KRI1: variants seen among roughly 807,000 people sequenced by gnomAD.
The protein encoded by KRI1 is protein KRI1 homolog.
Under a neutral mutation model 97.0 loss-of-function variants are expected in KRI1, and 83 were observed. The observed-to-expected ratio is 0.86, with a 90% confidence interval of 0.72 to 1.03. KRI1 has a LOEUF of 1.03. KRI1 is among the 50% of genes least tolerant of loss of function. KRI1 has a pLI of 0.00. For missense variants in KRI1, 916 were observed against 928.4 expected (o/e 0.99, Z 0.17); for synonymous variants, 371 against 363.5 (o/e 1.02, Z -0.23).
At chr19:10,561,475 A>C (rs1916695219) in intron 6 of KRI1, among the ~76,000 whole-genome samples, 192 bp downstream of exon 6, 1 of 152,106 alleles carries the variant, frequency 6.6e-6, no homozygotes, top group Non-Finnish European at 1.5e-5. Flanking sequence ...CCCCAAGATT[A>C]ACCCCATTTA....
intron 7 of KRI1, 31 bp from the exon 8 acceptor site, chr19:10,561,111 G>C (rs1169857022): frequency 1.2e-6 from 2 of 1,612,908 alleles, no homozygotes; most frequent in South Asian, 2.2e-5. Context: ...AGCATCCGCA[G>C]ATGCCCAGCC....
chr19:10,565,555 GA>G (rs1429665318), intron 2 of KRI1, 161 bp downstream of exon 2: 11 of 892,658 alleles, frequency 1.2e-5, no homozygotes, highest in Middle Eastern at 3.5e-4. Context: ...CCCCTGGGGA[GA>G]GGGGGGGCAC....
At chr19:10,559,152 ACAC>A (rs1343511090) in intron 12 of KRI1, among the ~76,000 whole-genome samples, 1 of 151,790 alleles carries the variant, frequency 6.6e-6, no homozygotes, top group African/African-American at 2.4e-5. Context: ...TTACAAGCAT[ACAC>A]CACCACACCT....
rs775892639 is a variant in KRI1 at position 10,557,969 on chromosome 19, T to TAC, written c.1359+1_1359+2dup. On this transcript the variant is annotated splice_region_variant and intron_variant, in intron 14 of 18. Coordinates refer to ENST00000312962, the MANE Select transcript of KRI1 (RefSeq NM_023008.5). ...TGGGACTCCCTCAACCCGTGATACCTACGTTGAAGTTGGGGTCCTCACAGT... is the reference window on the plus strand; with the variant it reads ...TGGGACTCCCTCAACCCGTGATACCTACACGTTGAAGTTGGGGTCCTCACAGT... 1.2e-6 allele frequency: 2 copies of TAC among 1,613,956 alleles called. No homozygotes were observed. Among genetic ancestry groups the TAC allele is most frequent in the African/African-American group, 2.7e-5 (2 of 74,924 alleles).
At chr19:10,562,889 G>A (rs750267721) in intron 3 of KRI1, 52 bp from the exon 4 acceptor site, 15 of 1,159,958 alleles carry the variant, frequency 1.3e-5, no homozygotes, top group South Asian at 2.4e-5. Flanking sequence ...CTTCTTTGCC[G>A]TGGCAGAGAA....
At position 10,565,810 on chromosome 19, in the gene KRI1, T is replaced by TTCC; in HGVS notation, c.95-21_95-20insGGA. On this transcript the variant is annotated intron_variant, in intron 1 of 18. Coordinates refer to ENST00000312962, the MANE Select transcript of KRI1 (RefSeq NM_023008.5). ...CCTTCACTGCGGGACACAGACGGGATGCCCCCCCCCAGGTCAGCCGGCGGG... is the reference window on the plus strand; with the variant it reads ...CCTTCACTGCGGGACACAGACGGGATTCCGCCCCCCCCCAGGTCAGCCGGCGGG... 6.8e-7 allele frequency: 1 copy of TTCC among 1,476,872 alleles called. No individual in the cohort carries two copies. The highest frequency in any genetic ancestry group is 9.0e-7 in the Non-Finnish European group (1 of 1,111,248). 91.5% of individuals were successfully genotyped at this position (1,476,872 alleles called of 1,614,324 possible).
rs1244537085 is a variant in KRI1 at position 10,557,612 on chromosome 19, C to T, written c.1557G>A (p.Leu519=). ...CTGTGCGGTACTTGAAGCGACAGGG[C>T]AGGTCGTCGATGATGTCCTCGTAGT... ...RLDYEDIIDD[L]PCRFKYRTVV... Residue 519 remains leucine, a synonymous_variant, in exon 16 of 19, where the codon CTG becomes CTA. Transcript: ENST00000312962. 6.2e-7 allele frequency: 1 copy of T among 1,614,068 alleles called. No homozygotes were observed. Among genetic ancestry groups the T allele is most frequent in the African/African-American group, 1.3e-5 (1 of 74,928 alleles).
intron 18 of KRI1, among the ~76,000 whole-genome samples, chr19:10,554,609 T>G (rs945234185): frequency 8.5e-5 from 13 of 152,062 alleles, no homozygotes; most frequent in African/African-American, 3.1e-4. Context: ...GCAGTCGCGT[T>G]ACCATAGGTC....
chr19:10,560,379 G>A lies in KRI1; in HGVS notation c.733C>T (p.Leu245Phe). ...TCCTCCTCCTCATAGCGTTTGTTGA[G>A]GATGTAATCCCGCAGGAACCGCTCC... ...EGERFLRDYI[L>F]NKRYEEEEEE... The change falls in exon 9 of 19, where the codon CTC becomes TTC. Residue 245 changes from leucine (L) to phenylalanine (F), a missense_variant. By Grantham distance (22) the Leu-to-Phe change is conservative. Transcript: ENST00000312962. The A allele has an allele frequency of 1.2e-6, 2 of 1,613,694 alleles. No individual in the cohort carries two copies. Among genetic ancestry groups the A allele is most frequent in the Non-Finnish European group, 1.7e-6 (2 of 1,179,900 alleles).
Position 10,553,195 on chromosome 19 carries a change from A to G in KRI1, c.*756T>C. Reference sequence around the variant, plus strand: ...TGTCAGCCCCTCAAGCCCAGCTGCAACCAGTCTGGGGCCATTCAGCCAGGG... The same window carrying G: ...TGTCAGCCCCTCAAGCCCAGCTGCAGCCAGTCTGGGGCCATTCAGCCAGGG... On this transcript the variant is annotated 3_prime_UTR_variant, in exon 19 of 19. Coordinates refer to ENST00000312962, the MANE Select transcript of KRI1 (RefSeq NM_023008.5). 8.3e-7 allele frequency: 1 copy of G among 1,209,104 alleles called. No individual in the cohort carries two copies. The highest frequency in any genetic ancestry group is 1.5e-5 in the South Asian group (1 of 65,334). The allele number at this position is 1,209,104 out of a possible 1,614,324, so 74.9% of individuals were successfully genotyped here.
At chr19:10,562,250 A>G (rs1249714728) in intron 4 of KRI1, among the ~76,000 whole-genome samples, 1 of 151,566 alleles carries the variant, frequency 6.6e-6, no homozygotes, top group Admixed American at 6.6e-5. Flanking sequence ...GGGTTTCACC[A>G]TGTTGGCCAG....
chr19:10,565,835 G>T, intron 1 of KRI1, 45 bp from the exon 2 acceptor site: 1 of 1,547,184 alleles, frequency 6.5e-7, no homozygotes, highest in Non-Finnish European at 8.7e-7. Flanking sequence ...CAGCCGGCGG[G>T]GCCACTCGAC....
intron 3 of KRI1, among the ~76,000 whole-genome samples, chr19:10,564,061 G>A (rs931831518): frequency 6.6e-6 from 1 of 151,628 alleles, no homozygotes; most frequent in African/African-American, 2.4e-5. Context: ...CAGGAGAATC[G>A]GTTGAACCGG....
At chr19:10,555,001 C>T in intron 18 of KRI1, 86 bp downstream of exon 18, 2 of 1,110,356 alleles carry the variant, frequency 1.8e-6, no homozygotes, top group Non-Finnish European at 2.7e-6. Flanking sequence ...TTCCCAAAGT[C>T]ATGCAACAAG....
Position 10,554,043 on chromosome 19 carries a change from G to C in KRI1, c.2020C>G (p.Leu674Val). ...LGGCEFSRQR[L>V]QAFGLNPKRL... ...TTGGGGTTGAGGCCAAAGGCCTGCA[G>C]TCTCTGGCGGCTGAACTCGCATCCA... Residue 674 changes from leucine (L) to valine (V), a missense_variant, in exon 19 of 19, where the codon CTG becomes GTG. Physicochemically the swap from Leu to Val is conservative, Grantham distance 32. Coordinates refer to ENST00000312962, the MANE Select transcript of KRI1 (RefSeq NM_023008.5). 1 of 1,614,212 alleles carries C rather than the reference G, an allele frequency of 6.2e-7. No individual in the cohort carries two copies. Among genetic ancestry groups the C allele is most frequent in the East Asian group, 2.2e-5 (1 of 44,888 alleles).
Position 10,554,027 on chromosome 19 carries a change from A to C in KRI1, c.2036T>G (p.Leu679Arg). 6.2e-7 allele frequency: 1 copy of C among 1,614,056 alleles called. No homozygotes were observed. ...FSRQRLQAFG[L>R]NPKRLHFRQL... ...GCGGAAGTGCAGCCGTTTGGGGTTGAGGCCAAAGGCCTGCAGTCTCTGGCG... is the reference window on the plus strand; with the variant it reads ...GCGGAAGTGCAGCCGTTTGGGGTTGCGGCCAAAGGCCTGCAGTCTCTGGCG... The change falls in exon 19 of 19, where the codon CTC (leucine) becomes CGC (arginine). Residue 679 changes from leucine to arginine, a missense_variant. Transcript: ENST00000312962.
intron 3 of KRI1, 83 bp downstream of exon 3, chr19:10,564,846 C>G: frequency 1.2e-6 from 1 of 865,634 alleles, no homozygotes; most frequent in Non-Finnish European, 2.0e-6. Flanking sequence ...GAAGTCAAGT[C>G]ACTTCTCTGA....
chr19:10,557,793 G>A lies in KRI1; in HGVS notation c.1462C>T (p.Gln488Ter). 2 of 1,613,204 alleles carry A rather than the reference G, an allele frequency of 1.2e-6. No individual in the cohort carries two copies. The highest frequency in any genetic ancestry group is 1.7e-6 in the Non-Finnish European group (2 of 1,179,748). The change falls in exon 15 of 19, where the codon CAG becomes TAG. Residue 488 changes from glutamine (Q) to a stop codon, truncating the protein, a stop_gained. Coordinates refer to ENST00000312962, the MANE Select transcript of KRI1 (RefSeq NM_023008.5). LOFTEE classifies it high-confidence loss of function. ...RKSPFAAAVG[Q>*]EKPVFEPGDK... Reference sequence around the variant, plus strand: ...CCGGGTTCAAACACGGGCTTCTCCTGCCCCACGGCCGCGGCGAAGGGCGAC... The same window carrying A: ...CCGGGTTCAAACACGGGCTTCTCCTACCCCACGGCCGCGGCGAAGGGCGAC...
chr19:10,564,807 T>C, intron 3 of KRI1, 122 bp downstream of exon 3: 1 of 750,046 alleles, frequency 1.3e-6, no homozygotes, highest in Non-Finnish European at 2.4e-6. Flanking sequence ...CCGTTAGATA[T>C]ACTTTACAGA....
Sources: allele counts gnomAD v4.1 joint callset (sites outside exome capture counted in the v4.1 genomes callset), GRCh38; gene constraint gnomAD v4.1.1; transcripts MANE v1.5; gene names NCBI Gene and HGNC (gene_info 2026-07-23, HGNC 2026-07-21).